RYR2: variants seen among roughly 807,000 people sequenced by gnomAD.
The protein encoded by RYR2 is ryanodine receptor 2, also known as cardiac muscle ryanodine receptor-calcium release channel.
In RYR2, 227 loss-of-function variants were observed where a neutral mutation model predicts 601.1. That is an observed-to-expected ratio of 0.38 (90% CI 0.34 to 0.42). The LOEUF is 0.42. RYR2 is among the 10% of genes least tolerant of loss of function. RYR2 has a pLI of 1.00. For synonymous variants in RYR2, 2,223 were observed against 2,175.1 expected (o/e 1.02, Z -0.61); for missense variants, 4,646 against 6,156.5 (o/e 0.75, Z 8.21).
intron 29 of RYR2, among the ~76,000 whole-genome samples, chr1:237,585,402 G>C (rs1042350214): frequency 3.2e-4 from 48 of 152,244 alleles, no homozygotes; most frequent in African/African-American, 1.1e-3. Context: ...TACTAATATG[G>C]AGCCATGTGT....
At chr1:237,236,362 A>G (rs1185155146) in intron 1 of RYR2, among the ~76,000 whole-genome samples, 3 of 152,154 alleles carry the variant, frequency 2.0e-5, no homozygotes, top group Non-Finnish European at 4.4e-5. Flanking sequence ...AAGTACCAGG[A>G]AAAGATAAGA....
At chr1:237,229,303 G>T (rs1449311398) in intron 1 of RYR2, among the ~76,000 whole-genome samples, 1 of 152,178 alleles carries the variant, frequency 6.6e-6, no homozygotes, top group Non-Finnish European at 1.5e-5. Context: ...GGTGGGGATG[G>T]GTGGTTTGCT....
At position 237,699,910 on chromosome 1, in the gene RYR2, G is replaced by T. The variant is rs10925498; in HGVS notation, c.9129-319G>T. The stretch of plus-strand genomic sequence containing the variant: ...AACATTCTAGTTTTGTTGGATTTCG[G>T]ATTAACTATACTCACTCAGAAGCTG... On this transcript the variant is annotated intron_variant, in intron 64 of 104. Transcript: ENST00000366574. 0.54 allele frequency among the ~76,000 whole-genome samples: 81,507 copies of T among 152,090 alleles called. 25,675 individuals are homozygous for T. Among genetic ancestry groups the T allele is most frequent in the Middle Eastern group, 0.71 (210 of 294 alleles).
intron 10 of RYR2, among the ~76,000 whole-genome samples, chr1:237,396,419 C>A (rs1050081589): frequency 1.6e-4 from 24 of 152,320 alleles, no homozygotes; most frequent in Admixed American, 1.0e-3. Context: ...TTGTGGATAT[C>A]TTTGAGAATC....
At chr1:237,339,067 A>G (rs1697509450) in intron 3 of RYR2, among the ~76,000 whole-genome samples, 2 of 152,154 alleles carry the variant, frequency 1.3e-5, no homozygotes, top group Admixed American at 6.6e-5. Flanking sequence ...AGTCTTCTGT[A>G]TTTTAATTCT....
At chr1:237,374,660 C>T in intron 6 of RYR2, 57 bp from the exon 7 acceptor site, 2 of 1,439,696 alleles carry the variant, frequency 1.4e-6, no homozygotes, top group Non-Finnish European at 1.9e-6. Flanking sequence ...TTGTCTCAAA[C>T]ACAAACAACA....
At chr1:237,525,920 C>T (rs1667535585) in intron 24 of RYR2, among the ~76,000 whole-genome samples, 1 of 151,578 alleles carries the variant, frequency 6.6e-6, no homozygotes, top group Non-Finnish European at 1.5e-5. Context: ...GCGGAGGTTG[C>T]AGTGAGCCGA....
chr1:237,813,696 C>T (rs1016163766), intron 100 of RYR2, among the ~76,000 whole-genome samples: 14 of 152,126 alleles, frequency 9.2e-5, no homozygotes, highest in Middle Eastern at 3.2e-3. Context: ...AACTTGGTTC[C>T]GGTGAGGAAA....
intron 89 of RYR2, 142 bp from the exon 90 acceptor site, chr1:237,783,533 A>T (rs1175373687): frequency 1.7e-6 from 1 of 597,348 alleles, no homozygotes; most frequent in East Asian, 2.8e-5. Context: ...ATAGTTTATA[A>T]ATAATTATCT....
chr1:237,258,234 T>C (rs1246272253), intron 1 of RYR2, among the ~76,000 whole-genome samples: 3 of 140,938 alleles, frequency 2.1e-5, no homozygotes, highest in South Asian at 4.6e-4. Context: ...AGGAGCAAAA[T>C]AGCGGTATGT....
intron 1 of RYR2, among the ~76,000 whole-genome samples, chr1:237,122,853 A>C (rs1450994284): frequency 3.1e-5 from 1 of 32,496 alleles, no homozygotes; most frequent in Non-Finnish European, 1.0e-4. Context: ...CACCTTTTCA[A>C]ATAATTTCCT....
intron 63 of RYR2, among the ~76,000 whole-genome samples, chr1:237,696,646 C>A (rs1020591349): frequency 2.6e-5 from 4 of 151,478 alleles, no homozygotes; most frequent in African/African-American, 4.9e-5. Flanking sequence ...CCCCATCCCC[C>A]ACCCCCGCCG....
intron 1 of RYR2, among the ~76,000 whole-genome samples, chr1:237,263,889 A>G (rs1688775267): frequency 6.6e-6 from 1 of 152,180 alleles, no homozygotes; most frequent in Non-Finnish European, 1.5e-5. Flanking sequence ...AATTTAAAAA[A>G]AGCAAATAGC....
In RYR2 at chr1:237,184,897, G is replaced by A. The variant is rs181530990; in HGVS notation, c.49-85600G>A. Among the ~76,000 whole-genome samples, 816 of 147,532 alleles carry A rather than the reference G, an allele frequency of 5.5e-3. 13 individuals are homozygous for A. The highest frequency in any genetic ancestry group is 0.02 in the African/African-American group (777 of 38,572). ...AGAGGGTTTTTTTTTTTTGGACAGG[G>A]TCTTGCTCTGTTGCCAAGGCTGAGT... On this transcript the variant is annotated intron_variant, in intron 1 of 104. Coordinates refer to ENST00000366574, the MANE Select transcript of RYR2 (RefSeq NM_001035.3).
At chr1:237,690,107 G>T (rs1362790230) in intron 63 of RYR2, among the ~76,000 whole-genome samples, 2 of 152,150 alleles carry the variant, frequency 1.3e-5, no homozygotes, top group African/African-American at 4.8e-5. Context: ...AAAGTGCTGG[G>T]ATTACAAGTG....
At chr1:237,427,016 T>A (rs1258139824) in intron 12 of RYR2, among the ~76,000 whole-genome samples, 1 of 152,194 alleles carries the variant, frequency 6.6e-6, no homozygotes, top group Non-Finnish European at 1.5e-5. Flanking sequence ...TTCTTAAGAT[T>A]GAAAACTCAA....
chr1:237,496,778 CGTGTTCCAGAAGATCTTTTGCTG>C, intron 20 of RYR2, 26 bp downstream of exon 20: 1 of 1,588,090 alleles, frequency 6.3e-7, no homozygotes, highest in Non-Finnish European at 8.6e-7. Context: ...TTTCTTTCAC[CGTGTTCCAGAAGATCTTTTGCTG>C]GGCATTTCTG....
chr1:237,045,594 TGA>T (rs1572434584), intron 1 of RYR2, among the ~76,000 whole-genome samples: 1 of 152,194 alleles, frequency 6.6e-6, no homozygotes, highest in East Asian at 1.9e-4. Context: ...ACTTATTTTA[TGA>T]GAGAAAAATC....
chr1:237,757,884 A>C (rs1558353680), intron 82 of RYR2, 108 bp downstream of exon 82: 3 of 696,254 alleles, frequency 4.3e-6, no homozygotes, highest in Non-Finnish European at 4.9e-6. Flanking sequence ...ATATGGCTCA[A>C]TTTTAGTTTA....
Sources: gnomAD v4.1 joint callset for allele counts (sites outside exome capture counted in the v4.1 genomes callset) on GRCh38, gnomAD v4.1.1 for gene constraint, MANE v1.5 for transcripts, NCBI Gene and HGNC (gene_info 2026-07-23, HGNC 2026-07-21) for gene names.